The following BCO1 variants were observed in gnomAD, a reference collection of about 807,000 sequenced individuals.
BCO1 encodes beta-carotene oxygenase 1, also known as beta,beta-carotene 15,15'-dioxygenase.
In BCO1, 54 loss-of-function variants were observed where a neutral mutation model predicts 56.3. The ratio of observed to expected loss-of-function variants is 0.96; its 90% CI spans 0.77 to 1.20. The LOEUF (loss-of-function observed/expected upper bound fraction) is 1.20. Among genes scored for constraint, BCO1 ranks in the 50% most tolerant of loss-of-function variants. The pLI is 0.00. For missense variants in BCO1, 801 were observed against 690.9 expected (o/e 1.16, Z -1.79); for synonymous variants, 318 against 266.1 (o/e 1.20, Z -1.90).
At chr16:81,247,101 G>A (rs574609508) in intron 2 of BCO1, among the ~76,000 whole-genome samples, 4 of 152,284 alleles carry the variant, frequency 2.6e-5, no homozygotes, top group East Asian at 3.9e-4. Context: ...ATCAAGAGCC[G>A]AGTTCTTAAA....
chr16:81,273,542 C>T (rs1198887481), intron 7 of BCO1, among the ~76,000 whole-genome samples: 1 of 152,170 alleles, frequency 6.6e-6, no homozygotes, highest in African/African-American at 2.4e-5. Context: ...GGGGTCCTCT[C>T]CCATCTCTCC....
In BCO1 at chr16:81,246,850, C is replaced by CAAAAA. The variant is rs71710906; in HGVS notation, c.193+1261_193+1265dup. ...TGGGAGACAGAGCCAGACTTTGTCT[C>CAAAAA]AAAAAAAAAAAAAAAAAAGAAGAGT... is the stretch of plus-strand genomic sequence containing the variant. On this transcript the variant is annotated intron_variant, in intron 2 of 10. Coordinates refer to ENST00000258168, the MANE Select transcript of BCO1 (RefSeq NM_017429.3). 1.7e-3 allele frequency among the ~76,000 whole-genome samples: 144 copies of CAAAAA among 83,086 alleles called. 2 individuals are homozygous for CAAAAA. Among genetic ancestry groups the CAAAAA allele is most frequent in the Admixed American group, 1.6e-3 (11 of 6,720 alleles). 54.5% of individuals were successfully genotyped at this position (83,086 alleles called of 152,430 possible).
intron 8 of BCO1, among the ~76,000 whole-genome samples, chr16:81,283,919 C>T (rs1224411258): frequency 1.3e-5 from 2 of 151,710 alleles, no homozygotes; most frequent in African/African-American, 4.8e-5. Flanking sequence ...AGCACGGTGG[C>T]TCACACCTGT....
chr16:81,277,158 G>A lies in BCO1; in HGVS notation c.1102-3699G>A, dbSNP rs112037503. Among the ~76,000 whole-genome samples, 829 of 151,750 alleles carry A rather than the reference G, an allele frequency of 5.5e-3. 7 individuals are homozygous for A. The highest frequency in any genetic ancestry group is 0.019 in the African/African-American group (804 of 41,404). ...TGCCGTTTGGGACAGCCTGTTCCAC[G>A]CCATCATGAAGGGCTGCGTGTCAAG... On this transcript the variant is annotated intron_variant, in intron 7 of 10. Transcript: ENST00000258168.
rs1437678184 is a variant in BCO1 at position 81,259,677 on chromosome 16, T to C, written c.195T>C (p.Gly65=). 6.8e-6 allele frequency: 11 copies of C among 1,614,052 alleles called. No homozygotes were observed. The Admixed American group carries it at 1.8e-4, about 27-fold the overall frequency. The stretch of plus-strand genomic sequence containing the variant: ...ATTATGCTGGTTCTTCTCTTGCAGG[T>C]GAAGTCTATTACAGGAGCAAATACC... ...ALLHSFTIRD[G]EVYYRSKYLR... The change falls in exon 3 of 11, where the codon GGT becomes GGC. Residue 65 remains glycine (G), a splice_region_variant and synonymous_variant. Transcript: ENST00000258168.
chr16:81,285,154 C>T (rs570364809), intron 8 of BCO1, among the ~76,000 whole-genome samples: 17 of 152,310 alleles, frequency 1.1e-4, no homozygotes, highest in African/African-American at 3.8e-4. Context: ...TCCCATTTCT[C>T]ATCACATATG....
intron 2 of BCO1, among the ~76,000 whole-genome samples, chr16:81,252,336 T>G (rs892459777): frequency 6.6e-6 from 1 of 152,124 alleles, no homozygotes; most frequent in Non-Finnish European, 1.5e-5. Context: ...CTCAGCTCAC[T>G]GCAACCTCTA....
chr16:81,253,575 A>G (rs571561802), intron 2 of BCO1, among the ~76,000 whole-genome samples: 3 of 152,196 alleles, frequency 2.0e-5, no homozygotes, highest in Non-Finnish European at 2.9e-5. Flanking sequence ...GGTTGAAAGC[A>G]TGAACTCAGG....
At chr16:81,250,351 G>T (rs569749401) in intron 2 of BCO1, among the ~76,000 whole-genome samples, 1 of 152,226 alleles carries the variant, frequency 6.6e-6, no homozygotes, top group African/African-American at 2.4e-5. Flanking sequence ...TCTCAGTGCT[G>T]CCAGCTTGCC....
At chr16:81,246,482 C>T (rs1223407718) in intron 2 of BCO1, among the ~76,000 whole-genome samples, 1 of 152,042 alleles carries the variant, frequency 6.6e-6, no homozygotes, top group Non-Finnish European at 1.5e-5. Context: ...AAATAATATA[C>T]ATCCTCAATC....
chr16:81,281,627 A>G (rs1907886777), intron 8 of BCO1, among the ~76,000 whole-genome samples: 1 of 152,194 alleles, frequency 6.6e-6, no homozygotes, highest in African/African-American at 2.4e-5. Flanking sequence ...TATAGCGAAG[A>G]AAACTAGGCC....
Position 81,290,686 on chromosome 16 carries a change from T to G in BCO1, c.*109T>G, listed in dbSNP as rs1419406847. The G allele has an allele frequency of 1.1e-5, 9 of 834,830 alleles. No homozygotes were observed. In the East Asian group the frequency reaches 1.8e-4, roughly 16 times the overall value. 51.7% of individuals were successfully genotyped at this position (834,830 alleles called of 1,614,324 possible). A position where few individuals can be genotyped will look rare whatever the true frequency, so the allele number is the denominator to read the frequency against. ...TGTTACCTTTTGCACTTATTCTTTC[T>G]GTGGGTGCTTTGACAAGGGCATGGC... On this transcript the variant is annotated 3_prime_UTR_variant, in exon 11 of 11. Coordinates refer to ENST00000258168, the MANE Select transcript of BCO1 (RefSeq NM_017429.3).
intron 7 of BCO1, among the ~76,000 whole-genome samples, chr16:81,280,141 T>C (rs912622740): frequency 3.3e-5 from 5 of 151,608 alleles, no homozygotes; most frequent in Non-Finnish European, 7.4e-5. Context: ...AATGAACCTG[T>C]AATCCCAGCT....
chr16:81,238,739 C>A lies in BCO1; in HGVS notation c.-170C>A. 3 of 695,686 alleles carry A rather than the reference C, an allele frequency of 4.3e-6. No homozygotes were observed. The highest frequency in any genetic ancestry group is 2.1e-5 in the Admixed American group (1 of 46,944). The allele number at this position is 695,686 out of a possible 1,614,324, so 43.1% of individuals were successfully genotyped here. On this transcript the variant is annotated 5_prime_UTR_variant, in exon 1 of 11. Coordinates refer to ENST00000258168, the MANE Select transcript of BCO1 (RefSeq NM_017429.3). Reference sequence around the variant, plus strand: ...TTGGAGAGGGACAAGTGAGAGCCAGCCAAAAAGGAAAAAGCAAAGGCAGAA... The same window carrying A: ...TTGGAGAGGGACAAGTGAGAGCCAGACAAAAAGGAAAAAGCAAAGGCAGAA...
intron 7 of BCO1, among the ~76,000 whole-genome samples, chr16:81,273,696 C>G (rs1190295567): frequency 6.7e-6 from 1 of 149,234 alleles, no homozygotes; most frequent in African/African-American, 2.5e-5. Context: ...TGAAAGGAAA[C>G]ACATCACTAC....
intron 9 of BCO1, among the ~76,000 whole-genome samples, chr16:81,286,117 G>C (rs1303445215): frequency 2.0e-5 from 3 of 151,836 alleles, no homozygotes; most frequent in African/African-American, 7.3e-5. Flanking sequence ...TGAATTCCTA[G>C]GTTCAGGGGA....
Position 81,285,594 on chromosome 16 carries a change from T to G in BCO1, c.1262T>G (p.Val421Gly). The G allele has an allele frequency of 6.2e-7, 1 of 1,613,870 alleles. No homozygotes were observed. Among genetic ancestry groups the G allele is most frequent in the Non-Finnish European group, 8.5e-7 (1 of 1,179,710 alleles). Residue 421 changes from valine to glycine, a missense_variant, in exon 9 of 11, where the codon GTC (valine) becomes GGC (glycine). By Grantham distance (109) the Val-to-Gly change is moderately radical. Transcript: ENST00000258168. The stretch of plus-strand genomic sequence containing the variant: ...CACAATGGAAAGCAATACCGATATG[T>G]CTTTGCTACAGGAGTTCAGTGGAGT... The part of the protein sequence containing the change: ...YAHNGKQYRY[V>G]FATGVQWSPI...
intron 2 of BCO1, 64 bp from the exon 3 acceptor site, chr16:81,259,612 T>C: frequency 6.8e-6 from 11 of 1,610,346 alleles, no homozygotes; most frequent in Non-Finnish European, 9.3e-6. Context: ...ATACAAGGAC[T>C]GACATTGATT....
rs182275297 is a variant in BCO1, at chr16:81,265,213, C to T, written c.619+426C>T. 3.1e-3 allele frequency among the ~76,000 whole-genome samples: 461 copies of T among 150,940 alleles called. 1 individual carries two copies. Among genetic ancestry groups the T allele is most frequent in the African/African-American group, 0.01 (416 of 40,552 alleles). ...TTCATCCACCTATCCATCACCCATC[C>T]ACCATCCGTCCACCCATCCACCTAT... is the stretch of plus-strand genomic sequence containing the variant. On this transcript the variant is annotated intron_variant, in intron 5 of 10. Coordinates refer to ENST00000258168, the MANE Select transcript of BCO1 (RefSeq NM_017429.3).
Sources: gnomAD v4.1 joint callset for allele counts (sites outside exome capture counted in the v4.1 genomes callset) on GRCh38, gnomAD v4.1.1 for gene constraint, MANE v1.5 for transcripts, NCBI Gene and HGNC (gene_info 2026-07-23, HGNC 2026-07-21) for gene names.